Variants in SLC12A8 observed in about 807,000 individuals in gnomAD.
The protein encoded by SLC12A8 is solute carrier family 12 member 8.
SLC12A8 carries 69 observed loss-of-function variants against 75.6 expected under a neutral mutation model. The ratio of observed to expected loss-of-function variants is 0.91; its 90% CI spans 0.75 to 1.11. SLC12A8 has a LOEUF of 1.11. SLC12A8 is among the 50% of genes most tolerant of loss of function. The pLI is 0.00. For synonymous variants in SLC12A8, 365 were observed against 372.8 expected (o/e 0.98, Z 0.24); for missense variants, 877 against 896.7 (o/e 0.98, Z 0.28).
intron 12 of SLC12A8, among the ~76,000 whole-genome samples, chr3:125,089,976 G>A (rs1452386728): frequency 6.6e-6 from 1 of 151,560 alleles, no homozygotes; most frequent in African/African-American, 2.4e-5. Flanking sequence ...ATTTCACTCT[G>A]CTTTCTTCTT....
At chr3:125,188,807 G>T (rs1436880451) in intron 3 of SLC12A8, among the ~76,000 whole-genome samples, 3 of 152,190 alleles carry the variant, frequency 2.0e-5, no homozygotes, top group African/African-American at 7.2e-5. Flanking sequence ...ATGCTCAAGG[G>T]CTCCACTGCT....
At chr3:125,187,512 T>G in intron 3 of SLC12A8, 84 bp from the exon 4 acceptor site, 2 of 1,272,502 alleles carry the variant, frequency 1.6e-6, no homozygotes, top group Non-Finnish European at 2.2e-6. Flanking sequence ...CCACCTCCCC[T>G]CCTCCCACAG....
At chr3:125,115,139 A>G (rs553079936) in intron 8 of SLC12A8, among the ~76,000 whole-genome samples, 13 of 152,350 alleles carry the variant, frequency 8.5e-5, no homozygotes, top group African/African-American at 3.1e-4. Flanking sequence ...TTCATGGGTT[A>G]TCTCAGAGCC....
Position 125,107,468 on chromosome 3 carries a change from C to T in SLC12A8, c.1705+13G>A, listed in dbSNP as rs780381818. On this transcript the variant is annotated intron_variant, in intron 10 of 13. Transcript: ENST00000469902. ...CCAAATAAGAGGCCCCAGTGTGATA[C>T]CAGAGCACTCACCTTCTCCACTGGA... 2 of 1,595,002 alleles carry T rather than the reference C, an allele frequency of 1.3e-6. No homozygotes were observed. Among genetic ancestry groups the T allele is most frequent in the East Asian group, 2.3e-5 (1 of 44,430 alleles).
intron 10 of SLC12A8, among the ~76,000 whole-genome samples, chr3:125,101,142 C>T (rs1032178214): frequency 6.6e-6 from 1 of 151,928 alleles, no homozygotes; most frequent in African/African-American, 2.4e-5. Context: ...GTTAAGAGCA[C>T]AGGTTTGACA....
At chr3:125,198,989 A>G (rs902246996) in intron 2 of SLC12A8, among the ~76,000 whole-genome samples, 3 of 152,046 alleles carry the variant, frequency 2.0e-5, no homozygotes, top group Admixed American at 6.5e-5. Flanking sequence ...CGTGTTAGCC[A>G]GGATGGTCTC....
chr3:125,193,788 A>T (rs1414216693), intron 2 of SLC12A8, among the ~76,000 whole-genome samples: 1 of 152,110 alleles, frequency 6.6e-6, no homozygotes, highest in African/African-American at 2.4e-5. Context: ...TCTGAGTGCC[A>T]CCACCCAGTC....
chr3:125,155,636 A>C (rs1934031823), intron 5 of SLC12A8, among the ~76,000 whole-genome samples: 1 of 45,112 alleles, frequency 2.2e-5, no homozygotes, highest in Non-Finnish European at 6.1e-5. Context: ...CTGTAGTCCC[A>C]GCTACTCGGG....
chr3:125,103,387 C>T (rs1381436175), intron 10 of SLC12A8, among the ~76,000 whole-genome samples: 1 of 149,752 alleles, frequency 6.7e-6, no homozygotes, highest in Non-Finnish European at 1.5e-5. Context: ...CCTTATTCTA[C>T]AGTAAGGTGC....
intron 2 of SLC12A8, among the ~76,000 whole-genome samples, chr3:125,196,383 G>T (rs530724940): frequency 1.3e-5 from 2 of 152,288 alleles, no homozygotes; most frequent in Admixed American, 6.5e-5. Context: ...TTGGGTATTT[G>T]TAGGAGTATG....
At chr3:125,096,698 C>T (rs924058379) in intron 10 of SLC12A8, among the ~76,000 whole-genome samples, 9 of 152,110 alleles carry the variant, frequency 5.9e-5, no homozygotes, top group African/African-American at 2.2e-4. Context: ...GTAAAAGTCT[C>T]CTTAATAATT....
intron 5 of SLC12A8, among the ~76,000 whole-genome samples, chr3:125,136,847 C>T (rs504255): frequency 0.2 from 29,800 of 152,170 alleles, 3,287 homozygotes; most frequent in South Asian, 0.39. Context: ...TGTGAACATG[C>T]TAGTGGGCTG....
intron 4 of SLC12A8, among the ~76,000 whole-genome samples, chr3:125,181,858 T>C (rs913277125): frequency 6.6e-6 from 1 of 151,814 alleles, no homozygotes; most frequent in African/African-American, 2.4e-5. Context: ...ATATAGACTA[T>C]TAGGAAAAAA....
At chr3:125,084,183 G>A in intron 13 of SLC12A8, 131 bp from the exon 14 acceptor site, 2 of 727,886 alleles carry the variant, frequency 2.7e-6, no homozygotes, top group South Asian at 1.9e-5. Flanking sequence ...CATAATTCTT[G>A]AAAGGTATAT....
At chr3:125,208,240 C>A (rs1935263278) in intron 2 of SLC12A8, among the ~76,000 whole-genome samples, 1 of 152,206 alleles carries the variant, frequency 6.6e-6, no homozygotes, top group Admixed American at 6.5e-5. Flanking sequence ...AAGCACACAT[C>A]ATCCTCAATA....
rs988128478 is a variant in SLC12A8, at chr3:125,211,400, A to G, written c.-45-6T>C. ...ATCTGGACAGGGAGACTGCTCTGGA[A>G]GGTAACAGCATCCTTGGTCAGGCTG... On this transcript the variant is annotated splice_region_variant and splice_polypyrimidine_tract_variant and intron_variant, in intron 1 of 13. Transcript: ENST00000469902. The G allele has an allele frequency of 6.8e-7, 1 of 1,464,638 alleles. No individual in the cohort carries two copies. Among genetic ancestry groups the G allele is most frequent in the Middle Eastern group, 1.7e-4 (1 of 5,802 alleles). 90.7% of individuals were successfully genotyped at this position (1,464,638 alleles called of 1,614,324 possible). A position where few individuals can be genotyped will look rare whatever the true frequency, so the allele number is the denominator to read the frequency against.
In SLC12A8 at chr3:125,110,296, T is replaced by C. The variant is rs1939155330; in HGVS notation, c.952A>G (p.Ile318Val). ...MGFLFLLGLY[I>V]SSLASCMGGL... is the part of the protein sequence containing the mutation. ...CCCATGCAGGAAGCCAGGGACGAGA[T>C]GTATAAGCCCAAAAGGAACAGGAAG... Residue 318 changes from isoleucine to valine, a missense_variant, in exon 9 of 14, where the codon ATC becomes GTC. Physicochemically the swap from Ile to Val is conservative, Grantham distance 29 (BLOSUM62 3). Coordinates refer to ENST00000469902, the MANE Select transcript of SLC12A8 (RefSeq NM_024628.6). 4 of 1,613,930 alleles carry C rather than the reference T, an allele frequency of 2.5e-6. No individual in the cohort carries two copies. The highest frequency in any genetic ancestry group is 2.5e-6 in the Non-Finnish European group (3 of 1,179,930).
chr3:125,143,049 G>A (rs1933687354), intron 5 of SLC12A8, among the ~76,000 whole-genome samples: 2 of 152,356 alleles, frequency 1.3e-5, no homozygotes, highest in South Asian at 4.1e-4. Flanking sequence ...AGAGAGATGA[G>A]GAAACCTTCA....
chr3:125,153,679 T>G (rs1039336272), intron 5 of SLC12A8, among the ~76,000 whole-genome samples: 1 of 152,116 alleles, frequency 6.6e-6, no homozygotes, highest in African/African-American at 2.4e-5. Flanking sequence ...CACTGTCTCA[T>G]CCAGGCTGGA....
Sources: allele counts gnomAD v4.1 joint callset (sites outside exome capture counted in the v4.1 genomes callset), GRCh38; gene constraint gnomAD v4.1.1; transcripts MANE v1.5; gene names NCBI Gene and HGNC (gene_info 2026-07-23, HGNC 2026-07-21).